Variants in SPAG16 observed in about 807,000 individuals in gnomAD.
SPAG16 encodes sperm-associated antigen 16 protein.
In SPAG16, 86 loss-of-function variants were observed where a neutral mutation model predicts 80.4. That is an observed-to-expected ratio of 1.07 (90% CI 0.90 to 1.28). The LOEUF is 1.28. SPAG16 is among the 50% of genes most tolerant of loss of function. The pLI is 0.00. For missense variants in SPAG16, 870 were observed against 765.3 expected (o/e 1.14, Z -1.61); for synonymous variants, 294 against 265.9 (o/e 1.11, Z -1.03).
At chr2:214,385,916 T>A (rs542275748) in intron 15 of SPAG16, among the ~76,000 whole-genome samples, 1 of 152,316 alleles carries the variant, frequency 6.6e-6, no homozygotes, top group South Asian at 2.1e-4. Context: ...CAAGCACAGA[T>A]CCAAATCTGA....
At chr2:213,549,688 G>A (rs1159535442) in intron 10 of SPAG16, among the ~76,000 whole-genome samples, 2 of 152,130 alleles carry the variant, frequency 1.3e-5, no homozygotes, top group Non-Finnish European at 2.9e-5. Context: ...TCAAAAACTT[G>A]AAAGGCTTCT....
intron 12 of SPAG16, among the ~76,000 whole-genome samples, chr2:213,945,770 C>T (rs1453302208): frequency 6.6e-6 from 1 of 152,136 alleles, no homozygotes; most frequent in African/African-American, 2.4e-5. Flanking sequence ...ACTCACCAAA[C>T]ATTAGATCTG....
chr2:213,424,881 A>G (rs754305620), intron 9 of SPAG16, among the ~76,000 whole-genome samples: 10 of 152,196 alleles, frequency 6.6e-5, no homozygotes, highest in Non-Finnish European at 1.5e-4. Context: ...ACTGAGTTAT[A>G]TTCATTTCTT....
chr2:213,856,459 G>T (rs1203611262), intron 10 of SPAG16, among the ~76,000 whole-genome samples: 1 of 152,232 alleles, frequency 6.6e-6, no homozygotes, highest in African/African-American at 2.4e-5. Flanking sequence ...CAATGCCCCA[G>T]TTGGGACTGT....
chr2:214,168,082 C>A lies in SPAG16; in HGVS notation c.1720+18816C>A, dbSNP rs552799581. 5.3e-5 allele frequency among the ~76,000 whole-genome samples: 8 copies of A among 150,112 alleles called. No individual in the cohort carries two copies. The Admixed American group carries it at 5.4e-4, about 10-fold the overall frequency. ...CTGAGCTCACTGCAACTCCGTCTCC[C>A]GAGGTCAAAGGATTCTCCCACCTCA... is the stretch of plus-strand genomic sequence containing the variant. On this transcript the variant is annotated intron_variant, in intron 15 of 15. Transcript: ENST00000331683.
intron 10 of SPAG16, among the ~76,000 whole-genome samples, chr2:213,794,210 G>A (rs879317269): frequency 2.2e-4 from 34 of 151,920 alleles, no homozygotes; most frequent in Non-Finnish European, 4.9e-4. Context: ...AAAAAGACTC[G>A]CTGAATTTGA....
chr2:213,902,793 C>T (rs960597629), intron 11 of SPAG16, among the ~76,000 whole-genome samples: 1 of 152,160 alleles, frequency 6.6e-6, no homozygotes, highest in Non-Finnish European at 1.5e-5. Context: ...CAAGCAAAGT[C>T]CCTTCTGCCT....
rs535598616 is a variant in SPAG16, at chr2:213,367,962, G to T, written c.832+3817G>T. Reference sequence around the variant, plus strand: ...TTTAATCCATCTTGAATTAATTTTTGTATAAGGTGTGAGGAAGGGATCCAG... The same window carrying T: ...TTTAATCCATCTTGAATTAATTTTTTTATAAGGTGTGAGGAAGGGATCCAG... On this transcript the variant is annotated intron_variant, in intron 8 of 15. Transcript: ENST00000331683. Among the ~76,000 whole-genome samples the T allele has an allele frequency of 1.5e-3, 222 of 145,310 alleles. No individual in the cohort carries two copies. The East Asian group carries it at 0.016, about 11-fold the overall frequency.
intron 15 of SPAG16, among the ~76,000 whole-genome samples, chr2:214,221,682 C>G (rs1340768647): frequency 6.6e-6 from 1 of 152,090 alleles, no homozygotes; most frequent in Admixed American, 6.5e-5. Flanking sequence ...GACATTTTTA[C>G]TTTCCAGAGC....
intron 15 of SPAG16, among the ~76,000 whole-genome samples, chr2:214,288,830 G>A (rs1049997788): frequency 2.6e-5 from 4 of 151,524 alleles, no homozygotes; most frequent in South Asian, 2.1e-4. Context: ...GTGCAGTGGC[G>A]CGATCTCAGC....
chr2:214,237,867 T>C (rs1689183909), intron 15 of SPAG16, among the ~76,000 whole-genome samples: 1 of 152,094 alleles, frequency 6.6e-6, no homozygotes, highest in Non-Finnish European at 1.5e-5. Context: ...TTGGGTTCTA[T>C]AGATGCAGAT....
At chr2:213,431,550 G>T (rs941607076) in intron 9 of SPAG16, among the ~76,000 whole-genome samples, 1 of 151,876 alleles carries the variant, frequency 6.6e-6, no homozygotes, top group Non-Finnish European at 1.5e-5. Flanking sequence ...TTCAATAAGA[G>T]TATATATCAG....
At chr2:213,766,435 A>G (rs1816212) in intron 10 of SPAG16, among the ~76,000 whole-genome samples, 1 of 152,222 alleles carries the variant, frequency 6.6e-6, no homozygotes, top group Non-Finnish European at 1.5e-5. Flanking sequence ...TGGGAGCTCT[A>G]TGCAGTGATC....
chr2:213,527,327 A>G (rs1261086431), intron 10 of SPAG16, among the ~76,000 whole-genome samples: 4 of 152,164 alleles, frequency 2.6e-5, no homozygotes, highest in Admixed American at 1.3e-4. Context: ...CTTTCTCAGG[A>G]CAGCTAAATT....
intron 15 of SPAG16, among the ~76,000 whole-genome samples, chr2:214,273,373 A>C (rs947943257): frequency 6.6e-6 from 1 of 152,146 alleles, no homozygotes; most frequent in Non-Finnish European, 1.5e-5. Flanking sequence ...GCCCATGCCT[A>C]TGTCCTGAAT....
At chr2:213,978,084 T>A (rs1222501569) in intron 12 of SPAG16, among the ~76,000 whole-genome samples, 3 of 151,958 alleles carry the variant, frequency 2.0e-5, no homozygotes, top group Non-Finnish European at 4.4e-5. Flanking sequence ...TTAACTTTTC[T>A]GGAGTCTTAA....
At chr2:213,929,065 G>A (rs563907285) in intron 11 of SPAG16, among the ~76,000 whole-genome samples, 2 of 132,656 alleles carry the variant, frequency 1.5e-5, no homozygotes, top group South Asian at 4.7e-4. Flanking sequence ...CCAGGCTGCA[G>A]TGCAGTGGTG....
chr2:213,630,549 CA>C (rs1171344753), intron 10 of SPAG16, among the ~76,000 whole-genome samples: 10 of 151,890 alleles, frequency 6.6e-5, no homozygotes, highest in Non-Finnish European at 1.2e-4. Context: ...AAACACAGTT[CA>C]AAAAAAGTAA....
intron 10 of SPAG16, among the ~76,000 whole-genome samples, chr2:213,754,777 C>T (rs554261421): frequency 6.6e-6 from 1 of 152,240 alleles, no homozygotes; most frequent in South Asian, 2.1e-4. Flanking sequence ...GTAAAATCAT[C>T]TGGTGTGTGC....
Sources: allele counts gnomAD v4.1 joint callset (sites outside exome capture counted in the v4.1 genomes callset), GRCh38; gene constraint gnomAD v4.1.1; transcripts MANE v1.5; gene names NCBI Gene and HGNC (gene_info 2026-07-23, HGNC 2026-07-21).